The following DSC1 variants were observed in gnomAD, a reference collection of about 807,000 sequenced individuals.
The protein encoded by DSC1 is desmocollin 1, also known as desmocollin-1.
Under a neutral mutation model 98.8 loss-of-function variants are expected in DSC1, and 79 were observed. The observed-to-expected ratio is 0.80, with a 90% CI of 0.67 to 0.96. The LOEUF is 0.96. Among genes scored for constraint, DSC1 ranks in the 50% least tolerant of loss-of-function variants. DSC1 has a pLI of 0.00. For synonymous variants in DSC1, 405 were observed against 372.1 expected (o/e 1.09, Z -1.02); for missense variants, 1,115 against 1,075.9 (o/e 1.04, Z -0.51).
chr18:31,135,809 TAAAC>T (rs1988598317), intron 11 of DSC1, among the ~76,000 whole-genome samples: 1 of 152,160 alleles, frequency 6.6e-6, no homozygotes, highest in African/African-American at 2.4e-5. Context: ...AAAATTGAAA[TAAAC>T]AGAAAGGTAA....
chr18:31,146,296 T>C (rs1988844954), intron 6 of DSC1, among the ~76,000 whole-genome samples: 1 of 152,188 alleles, frequency 6.6e-6, no homozygotes, highest in Non-Finnish European at 1.5e-5. Flanking sequence ...TGTCTATGTG[T>C]ACCCAATGTT....
chr18:31,144,551 A>C (rs1340260280), intron 7 of DSC1, among the ~76,000 whole-genome samples: 1 of 152,250 alleles, frequency 6.6e-6, no homozygotes, highest in East Asian at 1.9e-4. Flanking sequence ...ATTCTAAAAA[A>C]GGGCAAAATA....
intron 11 of DSC1, among the ~76,000 whole-genome samples, chr18:31,139,064 A>T (rs1028555000): frequency 6.6e-6 from 1 of 151,960 alleles, no homozygotes; most frequent in African/African-American, 2.4e-5. Context: ...AATACATATG[A>T]TAGCAAATAT....
chr18:31,156,253 A>T, intron 3 of DSC1, 91 bp from the exon 4 acceptor site: 1 of 1,456,004 alleles, frequency 6.9e-7, no homozygotes, highest in Non-Finnish European at 9.3e-7. Flanking sequence ...AGCAGATGTA[A>T]GGGTTACACA....
Position 31,159,539 on chromosome 18 carries a change from A to AAG in DSC1, c.64-11_64-10insCT, listed in dbSNP as rs1568006484. ...AAAGTAATGTTAAAACCTCAAAAAA[A>AAG]AAAAAAGAAAAAATATCAGGAATTA... On this transcript the variant is annotated splice_polypyrimidine_tract_variant and intron_variant, in intron 1 of 15. Coordinates refer to ENST00000257198, the MANE Select transcript of DSC1 (RefSeq NM_024421.2). The AAG allele has an allele frequency of 1.3e-6, 2 of 1,585,436 alleles. No homozygotes were observed. The highest frequency in any genetic ancestry group is 1.7e-6 in the Non-Finnish European group (2 of 1,171,048).
In DSC1 at chr18:31,162,742, G is replaced by A. The variant is rs993527957; in HGVS notation, c.-148C>T. 1.5e-4 allele frequency: 99 copies of A among 655,870 alleles called. No individual in the cohort carries two copies. The Middle Eastern group carries it at 2.1e-3, about 14-fold the overall frequency. The allele number at this position is 655,870 out of a possible 1,614,324, so 40.6% of individuals were successfully genotyped here. Reference sequence around the variant, plus strand: ...GCTTGGTTTGGAAGACAGTCCGGAGGCAAGTGATAAACAGTAGGAGGAGCA... The same window carrying A: ...GCTTGGTTTGGAAGACAGTCCGGAGACAAGTGATAAACAGTAGGAGGAGCA... On this transcript the variant is annotated 5_prime_UTR_variant, in exon 1 of 16. Coordinates refer to ENST00000257198, the MANE Select transcript of DSC1 (RefSeq NM_024421.2).
Position 31,132,690 on chromosome 18 carries a change from C to T in DSC1, c.2117-1G>A. ...ACACAGAAACATGTAAACAGAATACCTAAAAAGCAAAAAAGATCAAAGTAA... is the reference window on the plus strand; with the variant it reads ...ACACAGAAACATGTAAACAGAATACTTAAAAAGCAAAAAAGATCAAAGTAA... On this transcript the variant is annotated splice_acceptor_variant, in intron 13 of 15. Coordinates refer to ENST00000257198, the MANE Select transcript of DSC1 (RefSeq NM_024421.2). LOFTEE classifies it high-confidence loss of function. 1 of 1,603,768 alleles carries T rather than the reference C, an allele frequency of 6.2e-7. No individual in the cohort carries two copies. Among genetic ancestry groups the T allele is most frequent in the Non-Finnish European group, 8.5e-7 (1 of 1,175,808 alleles).
intron 2 of DSC1, 37 bp from the exon 3 acceptor site, chr18:31,157,610 A>G: frequency 1.2e-6 from 2 of 1,611,150 alleles, no homozygotes; most frequent in Non-Finnish European, 1.7e-6. Flanking sequence ...TTGTCAGATG[A>G]AACAGGAGTG....
At chr18:31,146,090 C>T (rs1466095636) in intron 6 of DSC1, among the ~76,000 whole-genome samples, 2 of 152,038 alleles carry the variant, frequency 1.3e-5, no homozygotes, top group African/African-American at 2.4e-5. Context: ...TTAAATTTAA[C>T]TTAATTTAAT....
At chr18:31,144,956 T>TTTG (rs1988813969) in intron 7 of DSC1, among the ~76,000 whole-genome samples, 1 of 138,014 alleles carries the variant, frequency 7.2e-6, no homozygotes. Context: ...TTTTTTTTTT[T>TTTG]TGAGACGGAG....
At chr18:31,152,172 C>CAAA (rs201748337) in intron 5 of DSC1, among the ~76,000 whole-genome samples, 165 of 149,588 alleles carry the variant, frequency 1.1e-3, no homozygotes, top group African/African-American at 3.9e-3. Flanking sequence ...AAAAAAACAA[C>CAAA]AAAAAAAAAC....
At chr18:31,157,246 T>C in intron 3 of DSC1, 125 bp downstream of exon 3, 1 of 1,031,968 alleles carries the variant, frequency 9.7e-7, no homozygotes, top group Non-Finnish European at 1.4e-6. Flanking sequence ...TAATTGTAAG[T>C]GGAAAAGACA....
intron 8 of DSC1, 99 bp downstream of exon 8, chr18:31,143,558 A>G (rs957258456): frequency 8.6e-6 from 8 of 925,436 alleles, no homozygotes; most frequent in South Asian, 5.9e-5. Context: ...ATTTAAATCA[A>G]ACTGTCAAAC....
At chr18:31,141,413 C>T (rs1988732530) in intron 9 of DSC1, among the ~76,000 whole-genome samples, 2 of 152,140 alleles carry the variant, frequency 1.3e-5, no homozygotes, top group South Asian at 4.1e-4. Context: ...TCAATGAGAG[C>T]TATGGATAGA....
At chr18:31,137,899 T>C (rs1008149432) in intron 11 of DSC1, among the ~76,000 whole-genome samples, 2 of 151,566 alleles carry the variant, frequency 1.3e-5, no homozygotes, top group African/African-American at 2.4e-5. Context: ...AGAAAGAAAG[T>C]TGGATTCTAA....
chr18:31,144,293 G>C (rs1447769985), intron 7 of DSC1, among the ~76,000 whole-genome samples: 2 of 152,154 alleles, frequency 1.3e-5, no homozygotes, highest in Admixed American at 6.6e-5. Context: ...ATGGAAAGGT[G>C]ATGTGTCTAA....
At chr18:31,144,386 A>T (rs776838935) in intron 7 of DSC1, among the ~76,000 whole-genome samples, 1 of 152,250 alleles carries the variant, frequency 6.6e-6, no homozygotes, top group East Asian at 1.9e-4. Context: ...GTAGGTAAAT[A>T]AACTGGTACA....
Position 31,130,481 on chromosome 18 carries a change from C to A in DSC1, c.*33G>T. 1 of 1,606,346 alleles carries A rather than the reference C, an allele frequency of 6.2e-7. No individual in the cohort carries two copies. The highest frequency in any genetic ancestry group is 8.5e-7 in the Non-Finnish European group (1 of 1,173,982). ...TGCAAGTAATAAATTCCTACTTATGCATCTGTGGATATTACACTATTAAAA... is the reference window on the plus strand; with the variant it reads ...TGCAAGTAATAAATTCCTACTTATGAATCTGTGGATATTACACTATTAAAA... On this transcript the variant is annotated 3_prime_UTR_variant, in exon 16 of 16. Coordinates refer to ENST00000257198, the MANE Select transcript of DSC1 (RefSeq NM_024421.2).
Position 31,162,536 on chromosome 18 carries a change from A to G in DSC1, c.59T>C (p.Leu20Pro), listed in dbSNP as rs978135544. The G allele has an allele frequency of 3.1e-6, 5 of 1,613,958 alleles. No homozygotes were observed. The African/African-American group carries it at 4.0e-5, about 13-fold the overall frequency. The change falls in exon 1 of 16, where the codon CTC becomes CCC. Residue 20 changes from leucine (L) to proline (P), a missense_variant. Transcript: ENST00000257198. ...AATCCTTTGGTTGTTACTCACCAGG[A>G]GAGAGAAAAGGAGCTGCTTACAGAA... ...SIFCKQLLFS[L>P]LVLTLLCDAC...
Sources: gnomAD v4.1 joint callset for allele counts (sites outside exome capture counted in the v4.1 genomes callset) on GRCh38, gnomAD v4.1.1 for gene constraint, MANE v1.5 for transcripts, NCBI Gene and HGNC (gene_info 2026-07-23, HGNC 2026-07-21) for gene names.